The following EBF2 variants were observed in gnomAD, a reference collection of about 807,000 sequenced individuals.
The protein encoded by EBF2 is EBF transcription factor 2.
In EBF2, 21 loss-of-function variants were observed where a neutral mutation model predicts 72.8. The observed-to-expected ratio is 0.29, with a 90% confidence interval of 0.20 to 0.42. The LOEUF (loss-of-function observed/expected upper bound fraction) is 0.42. EBF2 is among the 10% of genes least tolerant of loss of function. The pLI is 1.00. For synonymous variants in EBF2, 299 were observed against 274.2 expected (o/e 1.09, Z -0.89); for missense variants, 637 against 731.2 (o/e 0.87, Z 1.49).
chr8:25,845,967 C>T (rs1266582899), intron 15 of EBF2, among the ~76,000 whole-genome samples: 2 of 152,200 alleles, frequency 1.3e-5, no homozygotes, highest in African/African-American at 2.4e-5. Flanking sequence ...CTCTTACTCT[C>T]TCTGCCCCTT....
At chr8:25,898,629 G>C (rs886772359) in intron 7 of EBF2, among the ~76,000 whole-genome samples, 5 of 152,090 alleles carry the variant, frequency 3.3e-5, no homozygotes, top group African/African-American at 1.2e-4. Context: ...AAGTGGGATG[G>C]TTACGGTCAA....
At chr8:25,910,563 A>G (rs1803109822) in intron 6 of EBF2, among the ~76,000 whole-genome samples, 2 of 152,230 alleles carry the variant, frequency 1.3e-5, no homozygotes, top group South Asian at 2.1e-4. Context: ...GCATTATTAT[A>G]TGAATGGTGT....
chr8:25,970,583 G>A (rs1262691552), intron 6 of EBF2, among the ~76,000 whole-genome samples: 1 of 152,038 alleles, frequency 6.6e-6, no homozygotes, highest in Non-Finnish European at 1.5e-5. Context: ...CTTCCTTGAA[G>A]TGGGTATGTT....
intron 6 of EBF2, among the ~76,000 whole-genome samples, chr8:26,025,146 T>C (rs1047522153): frequency 6.6e-6 from 1 of 151,974 alleles, no homozygotes; most frequent in Non-Finnish European, 1.5e-5. Flanking sequence ...AAATAGTGTA[T>C]ACAAAGGGAG....
At chr8:25,895,175 G>C (rs1802847529) in intron 7 of EBF2, among the ~76,000 whole-genome samples, 1 of 152,208 alleles carries the variant, frequency 6.6e-6, no homozygotes, top group South Asian at 2.1e-4. Flanking sequence ...CTGCAGATCT[G>C]AAAACTAAGT....
chr8:25,858,746 G>T (rs1488639097), intron 13 of EBF2, among the ~76,000 whole-genome samples: 5 of 139,510 alleles, frequency 3.6e-5, no homozygotes, highest in Non-Finnish European at 7.5e-5. Flanking sequence ...TGCAACCTCT[G>T]CTGCCCGGGT....
At chr8:25,847,546 C>A (rs770722204) in intron 15 of EBF2, among the ~76,000 whole-genome samples, 4 of 152,156 alleles carry the variant, frequency 2.6e-5, no homozygotes, top group Non-Finnish European at 4.4e-5. Flanking sequence ...CTCCTCCCAG[C>A]CAGGCTGTAG....
At chr8:25,881,512 T>C (rs547162495) in intron 10 of EBF2, among the ~76,000 whole-genome samples, 1 of 152,294 alleles carries the variant, frequency 6.6e-6, no homozygotes, top group East Asian at 1.9e-4. Context: ...TCAGTCTCCA[T>C]ACTGATAAGG....
intron 6 of EBF2, among the ~76,000 whole-genome samples, chr8:25,941,173 C>T (rs1265489393): frequency 1.3e-5 from 2 of 151,478 alleles, no homozygotes; most frequent in African/African-American, 4.9e-5. Context: ...TGGGGCCTCC[C>T]CACCCCCAAG....
intron 6 of EBF2, among the ~76,000 whole-genome samples, chr8:26,011,673 C>A (rs1283995500): frequency 6.6e-6 from 1 of 152,050 alleles, no homozygotes; most frequent in South Asian, 2.1e-4. Context: ...CTAAAAGGAC[C>A]CTGAGCAAGA....
chr8:25,915,383 T>G (rs1376076405), intron 6 of EBF2, among the ~76,000 whole-genome samples: 2 of 152,070 alleles, frequency 1.3e-5, no homozygotes, highest in African/African-American at 4.8e-5. Flanking sequence ...CTTCCTCTTC[T>G]GCTGGAATAA....
intron 6 of EBF2, among the ~76,000 whole-genome samples, chr8:25,929,366 G>C (rs1803442610): frequency 6.6e-6 from 1 of 152,160 alleles, no homozygotes; most frequent in African/African-American, 2.4e-5. Flanking sequence ...GAAGTAATCA[G>C]TGCAAATTTT....
At chr8:25,949,557 T>C (rs1266770098) in intron 6 of EBF2, among the ~76,000 whole-genome samples, 1 of 152,152 alleles carries the variant, frequency 6.6e-6, no homozygotes, top group African/African-American at 2.4e-5. Flanking sequence ...TCCATGAGTT[T>C]GAAGTTGGTC....
At chr8:25,878,058 G>A (rs938693155) in intron 10 of EBF2, among the ~76,000 whole-genome samples, 4 of 152,166 alleles carry the variant, frequency 2.6e-5, no homozygotes, top group African/African-American at 9.7e-5. Context: ...GGCTCAGAGA[G>A]GTCAGTGACC....
chr8:25,952,941 ACTTCTTTCCCATCCT>A (rs1457426704), intron 6 of EBF2, among the ~76,000 whole-genome samples: 3 of 152,014 alleles, frequency 2.0e-5, no homozygotes, highest in East Asian at 3.9e-4. Flanking sequence ...TATTTCTTGT[ACTTCTTTCCCATCCT>A]CTTCTTTCCC....
At chr8:25,887,196 G>A (rs969660898) in intron 9 of EBF2, among the ~76,000 whole-genome samples, 3 of 151,438 alleles carry the variant, frequency 2.0e-5, no homozygotes, top group Admixed American at 1.3e-4. Flanking sequence ...ACCAATGTAG[G>A]TCCTTTATTT....
At position 26,006,488 on chromosome 8, in the gene EBF2, C is replaced by T. The variant is rs566576131; in HGVS notation, c.551+26597G>A. Among the ~76,000 whole-genome samples the T allele has an allele frequency of 3.3e-5, 5 of 152,286 alleles. No homozygotes were observed. The South Asian group carries it at 1.0e-3, about 32-fold the overall frequency. On this transcript the variant is annotated intron_variant, in intron 6 of 15. Transcript: ENST00000520164. ...GGTCTTTGCTATTCTAGATAATAAG[C>T]AATGGAATGAACATCTTCATGGATG...
chr8:25,996,703 G>C (rs1177228551), intron 6 of EBF2, among the ~76,000 whole-genome samples: 1 of 151,972 alleles, frequency 6.6e-6, no homozygotes, highest in Non-Finnish European at 1.5e-5. Flanking sequence ...GATTAAAGTA[G>C]ACCATAATTA....
chr8:25,843,401 G>A lies in EBF2; in HGVS notation c.*1208C>T, dbSNP rs924317742. On this transcript the variant is annotated 3_prime_UTR_variant, in exon 16 of 16. Coordinates refer to ENST00000520164, the MANE Select transcript of EBF2 (RefSeq NM_022659.4). ...GACTCTAAAGAGTCCATCAAACAGA[G>A]TTATCTTCTCCAAACCGTGTTGCTG... is the stretch of plus-strand genomic sequence containing the variant. The A allele has an allele frequency of 6.6e-6, 1 of 152,270 alleles. No individual in the cohort carries two copies. The allele number at this position is 152,270 out of a possible 1,614,324, so 9.4% of individuals were successfully genotyped here. A position where few individuals can be genotyped will look rare whatever the true frequency, so the allele number is the denominator to read the frequency against.
Sources: gnomAD v4.1 joint callset for allele counts (sites outside exome capture counted in the v4.1 genomes callset) on GRCh38, gnomAD v4.1.1 for gene constraint, MANE v1.5 for transcripts, NCBI Gene and HGNC (gene_info 2026-07-23, HGNC 2026-07-21) for gene names.